SLC9A4: variants seen among roughly 807,000 people sequenced by gnomAD.
SLC9A4 encodes sodium/hydrogen exchanger 4.
SLC9A4 carries 63 observed loss-of-function variants against 67.4 expected under a neutral mutation model. That is an observed-to-expected ratio of 0.93 (90% CI 0.76 to 1.15). The LOEUF (loss-of-function observed/expected upper bound fraction) is 1.15. Ranked by LOEUF, SLC9A4 falls within the 50% of genes most tolerant of loss-of-function variation. SLC9A4 has a pLI of 0.00. For missense variants in SLC9A4, 1,089 were observed against 987.7 expected, an observed-to-expected ratio of 1.10 and a Z score of -1.38; for synonymous variants, 393 against 367.2, an observed-to-expected ratio of 1.07 and a Z score of -0.80.
At position 102,533,663 on chromosome 2, in the gene SLC9A4, TC is replaced by T. The variant is rs1389061568; in HGVS notation, c.*979del. On this transcript the variant is annotated 3_prime_UTR_variant, in exon 12 of 12. Transcript: ENST00000295269. ...CCCCCCTCCCCCCACCCCACAACAG[TC>T]CCCAGAGTGTGATGTTCCCCTTCCT... 2.9e-5 allele frequency: 3 copies of T among 104,238 alleles called. No homozygotes were observed. The highest frequency in any genetic ancestry group is 6.9e-4 in the South Asian group (2 of 2,878). The allele number at this position is 104,238 out of a possible 1,614,324, so 6.5% of individuals were successfully genotyped here.
intron 8 of SLC9A4, among the ~76,000 whole-genome samples, chr2:102,514,949 C>G (rs1685246116): frequency 6.6e-6 from 1 of 152,040 alleles, no homozygotes; most frequent in Non-Finnish European, 1.5e-5. Context: ...CGTGGTAGAG[C>G]CTCTGGTAGC....
chr2:102,498,037 C>T (rs1298420746), intron 2 of SLC9A4, among the ~76,000 whole-genome samples: 1 of 152,078 alleles, frequency 6.6e-6, no homozygotes, highest in African/African-American at 2.4e-5. Flanking sequence ...CAAAAAGGAC[C>T]GTTTGCTGAG....
rs555695432 is a variant in SLC9A4 at position 102,510,158 on chromosome 2, C to G, written c.1488+1225C>G. 2.6e-5 allele frequency among the ~76,000 whole-genome samples: 4 copies of G among 151,824 alleles called. No homozygotes were observed. The East Asian group carries it at 5.8e-4, about 22-fold the overall frequency. On this transcript the variant is annotated intron_variant, in intron 6 of 11. Transcript: ENST00000295269. ...TGGTGATGTTTCCATCAGGGTTCAACAGAGAAGCAGAGCCAGTAGGATGGA... is the reference window on the plus strand; with the variant it reads ...TGGTGATGTTTCCATCAGGGTTCAAGAGAGAAGCAGAGCCAGTAGGATGGA...
chr2:102,521,864 C>T (rs1685427620), intron 9 of SLC9A4, among the ~76,000 whole-genome samples: 1 of 152,138 alleles, frequency 6.6e-6, no homozygotes, highest in African/African-American at 2.4e-5. Context: ...TACCTCAGAG[C>T]AGGACCAGGA....
At chr2:102,502,559 G>A (rs1186651448) in intron 2 of SLC9A4, among the ~76,000 whole-genome samples, 3 of 152,224 alleles carry the variant, frequency 2.0e-5, no homozygotes, top group Non-Finnish European at 4.4e-5. Flanking sequence ...CCCAAGGAAG[G>A]ACACGCTTGG....
At chr2:102,474,454 T>G (rs184150022) in intron 1 of SLC9A4, among the ~76,000 whole-genome samples, 4 of 152,316 alleles carry the variant, frequency 2.6e-5, no homozygotes, top group Admixed American at 2.6e-4. Flanking sequence ...TGTTTATTCT[T>G]TAAAAGTAGC....
intron 2 of SLC9A4, among the ~76,000 whole-genome samples, chr2:102,497,901 T>C (rs1321408604): frequency 6.6e-6 from 1 of 152,240 alleles, no homozygotes; most frequent in Non-Finnish European, 1.5e-5. Context: ...GTCGAAGGAC[T>C]AATGTTTTTA....
chr2:102,490,604 C>A (rs1293080060), intron 2 of SLC9A4, among the ~76,000 whole-genome samples: 1 of 152,168 alleles, frequency 6.6e-6, no homozygotes, highest in East Asian at 1.9e-4. Context: ...GCAGTTAAAC[C>A]CCAACATATA....
Position 102,479,149 on chromosome 2 carries a change from C to G in SLC9A4, c.567C>G (p.Gly189=), listed in dbSNP as rs754086151. The G allele has an allele frequency of 2.5e-6, 4 of 1,614,062 alleles. 1 individual carries two copies. In the Admixed American group the frequency reaches 5.0e-5, roughly 20 times the overall value. ...GCCAGGTGAAGGCCTTTGGCCTGGG[C>G]GACGTCAACCTGCTGCAGAACCTGC... is the stretch of plus-strand genomic sequence containing the variant. ...LICQVKAFGL[G]DVNLLQNLLF... The change falls in exon 2 of 12, where the codon GGC becomes GGG. Residue 189 remains glycine, a synonymous_variant. Transcript: ENST00000295269.
chr2:102,517,922 A>C lies in SLC9A4; in HGVS notation c.1722-1937A>C, dbSNP rs574310340. ...TGGTTTATAAGTTGACTTGATATAG[A>C]AATGATCACTCATTCAGTTTTTCTA... On this transcript the variant is annotated intron_variant, in intron 8 of 11. Transcript: ENST00000295269. Among the ~76,000 whole-genome samples, 7 of 152,342 alleles carry C rather than the reference A, an allele frequency of 4.6e-5. No individual in the cohort carries two copies. In the East Asian group the frequency reaches 1.4e-3, roughly 29 times the overall value.
intron 2 of SLC9A4, among the ~76,000 whole-genome samples, chr2:102,500,398 G>C (rs1684900971): frequency 6.6e-6 from 1 of 152,120 alleles, no homozygotes; most frequent in Non-Finnish European, 1.5e-5. Context: ...TTGTTAATTT[G>C]AGCCACCTAG....
intron 9 of SLC9A4, among the ~76,000 whole-genome samples, chr2:102,520,412 G>C (rs971290356): frequency 6.6e-6 from 1 of 152,182 alleles, no homozygotes; most frequent in Non-Finnish European, 1.5e-5. Context: ...TGAATAAAAG[G>C]AGACATCTTA....
At chr2:102,478,704 C>A in intron 1 of SLC9A4, 135 bp from the exon 2 acceptor site, 1 of 817,894 alleles carries the variant, frequency 1.2e-6, no homozygotes, top group Non-Finnish European at 1.9e-6. Flanking sequence ...CTACCAGTTC[C>A]TGCTACAGAT....
intron 2 of SLC9A4, among the ~76,000 whole-genome samples, chr2:102,484,628 G>A (rs1045236401): frequency 2.0e-5 from 3 of 152,168 alleles, no homozygotes; most frequent in Non-Finnish European, 4.4e-5. Flanking sequence ...TTTAAATATG[G>A]CACCACCTCA....
chr2:102,499,107 C>A (rs1388867359), intron 2 of SLC9A4, among the ~76,000 whole-genome samples: 4 of 152,116 alleles, frequency 2.6e-5, no homozygotes, highest in Non-Finnish European at 5.9e-5. Flanking sequence ...AACCCACAGG[C>A]TGAAACACGT....
Position 102,514,171 on chromosome 2 carries a change from C to T in SLC9A4, c.1641C>T (p.Tyr547=). Residue 547 remains tyrosine, a synonymous_variant, in exon 8 of 12, where the codon TAC becomes TAT. Coordinates refer to ENST00000295269, the MANE Select transcript of SLC9A4 (RefSeq NM_001011552.4). ...CCAAATCAAGCATTGTTTCTTTGTA[C>T]AAGAAGCTGGAAATGAAGCAAGCCA... The part of the protein sequence containing the change: ...NLPKSSIVSL[Y]KKLEMKQAIE... The T allele has an allele frequency of 6.2e-7, 1 of 1,614,050 alleles. No individual in the cohort carries two copies. The highest frequency in any genetic ancestry group is 8.5e-7 in the Non-Finnish European group (1 of 1,180,000).
At chr2:102,492,744 C>T (rs1183238803) in intron 2 of SLC9A4, among the ~76,000 whole-genome samples, 1 of 152,180 alleles carries the variant, frequency 6.6e-6, no homozygotes, top group African/African-American at 2.4e-5. Flanking sequence ...TAACATTCAG[C>T]TCCTCATTAC....
chr2:102,479,150 G>T lies in SLC9A4; in HGVS notation c.568G>T (p.Asp190Tyr). ...ICQVKAFGLGDVNLLQNLLFG... is the reference protein window; with the variant it reads ...ICQVKAFGLGYVNLLQNLLFG... The stretch of plus-strand genomic sequence containing the variant: ...CCAGGTGAAGGCCTTTGGCCTGGGC[G>T]ACGTCAACCTGCTGCAGAACCTGCT... Residue 190 changes from aspartate (D) to tyrosine (Y), a missense_variant, in exon 2 of 12, where the codon GAC becomes TAC. Transcript: ENST00000295269. The T allele has an allele frequency of 6.2e-7, 1 of 1,614,096 alleles. No homozygotes were observed. Among genetic ancestry groups the T allele is most frequent in the South Asian group, 1.1e-5 (1 of 91,056 alleles).
At chr2:102,527,363 A>G (rs2104450195) in intron 11 of SLC9A4, among the ~76,000 whole-genome samples, 1 of 152,342 alleles carries the variant, frequency 6.6e-6, no homozygotes, top group South Asian at 2.1e-4. Flanking sequence ...TTCACTGAAC[A>G]AATGTTGTAC....
Sources: gnomAD v4.1 joint callset for allele counts (sites outside exome capture counted in the v4.1 genomes callset) on GRCh38, gnomAD v4.1.1 for gene constraint, MANE v1.5 for transcripts, NCBI Gene and HGNC (gene_info 2026-07-23, HGNC 2026-07-21) for gene names.